The following FARS2 variants were observed in gnomAD, a reference collection of about 807,000 sequenced individuals.
FARS2 encodes phenylalanyl-tRNA synthetase 2, mitochondrial.
FARS2 carries 40 observed loss-of-function variants against 46.4 expected under a neutral mutation model. The observed-to-expected ratio is 0.86, with a 90% CI of 0.67 to 1.12. The LOEUF is 1.12. Among genes scored for constraint, FARS2 ranks in the 50% most tolerant of loss-of-function variants. The pLI is 0.00. For missense variants in FARS2, 513 were observed against 567.9 expected (o/e 0.90, Z 0.98); for synonymous variants, 234 against 214.9 (o/e 1.09, Z -0.78).
chr6:5,610,006 G>T (rs184933666), intron 5 of FARS2: 16 of 1,035,828 alleles, frequency 1.5e-5, no homozygotes, highest in East Asian at 2.4e-5. Flanking sequence ...CACCTCCTCC[G>T]CAGTGGCATA....
At chr6:5,309,321 G>A (rs1768933022) in intron 1 of FARS2, among the ~76,000 whole-genome samples, 1 of 152,086 alleles carries the variant, frequency 6.6e-6, no homozygotes, top group African/African-American at 2.4e-5. Context: ...GCAGGGATGG[G>A]GTACTCTTTA....
At chr6:5,359,310 G>A (rs557564884) in intron 1 of FARS2, among the ~76,000 whole-genome samples, 1 of 152,028 alleles carries the variant, frequency 6.6e-6, no homozygotes, top group South Asian at 2.1e-4. Flanking sequence ...CAAAGTGCTG[G>A]CATTACAGGC....
At chr6:5,623,645 G>A (rs1775884337) in intron 6 of FARS2, among the ~76,000 whole-genome samples, 1 of 152,126 alleles carries the variant, frequency 6.6e-6, no homozygotes, top group Non-Finnish European at 1.5e-5. Flanking sequence ...CCAGGAGGCG[G>A]AGGTCGCAGT....
chr6:5,604,634 G>T (rs1774725751), intron 5 of FARS2, among the ~76,000 whole-genome samples: 1 of 152,112 alleles, frequency 6.6e-6, no homozygotes. Flanking sequence ...TAAACATGCT[G>T]CATTGAAAGT....
At chr6:5,762,235 CTT>C (rs886389398) in intron 6 of FARS2, among the ~76,000 whole-genome samples, 14 of 152,216 alleles carry the variant, frequency 9.2e-5, no homozygotes, top group African/African-American at 2.7e-4. Context: ...ACACTTAACA[CTT>C]TACCTATACA....
intron 5 of FARS2, among the ~76,000 whole-genome samples, chr6:5,578,682 G>A (rs1300046417): frequency 5.9e-5 from 9 of 151,734 alleles, no homozygotes; most frequent in East Asian, 5.8e-4. Context: ...GGTGGTGGGC[G>A]CCTATAGTCC....
At chr6:5,379,854 C>T (rs184273874) in intron 2 of FARS2, among the ~76,000 whole-genome samples, 114 of 152,264 alleles carry the variant, frequency 7.5e-4, no homozygotes, top group Middle Eastern at 3.4e-3. Flanking sequence ...CCTCTACTGA[C>T]AAAGTTTAGC....
chr6:5,288,588 A>T (rs1767288637), intron 1 of FARS2, among the ~76,000 whole-genome samples: 1 of 152,160 alleles, frequency 6.6e-6, no homozygotes, highest in East Asian at 1.9e-4. Flanking sequence ...GGTTTTGAAT[A>T]TATGTGGTTG....
rs1011454055 is a variant in FARS2 at position 5,686,552 on chromosome 6, A to G, written c.1217+73232A>G. On this transcript the variant is annotated intron_variant, in intron 6 of 6. Transcript: ENST00000274680. ...TGAACTCGTCCTTTTTTATGGCTGC[A>G]TAGTATTCCATGGTATATATGTGCC... Among the ~76,000 whole-genome samples, 6 of 152,324 alleles carry G rather than the reference A, an allele frequency of 3.9e-5. 1 individual carries two copies. The highest frequency in any genetic ancestry group is 1.2e-4 in the African/African-American group (5 of 41,570).
chr6:5,689,803 A>G (rs1757552877), intron 6 of FARS2, among the ~76,000 whole-genome samples: 1 of 152,154 alleles, frequency 6.6e-6, no homozygotes, highest in South Asian at 2.1e-4. Flanking sequence ...GTGGGGTGTT[A>G]AAGTCTCCCA....
intron 1 of FARS2, among the ~76,000 whole-genome samples, chr6:5,353,334 G>A (rs972052263): frequency 9.2e-5 from 14 of 151,908 alleles, no homozygotes; most frequent in African/African-American, 3.4e-4. Flanking sequence ...CCATTTTTTG[G>A]CTATTGTGAA....
intron 4 of FARS2, among the ~76,000 whole-genome samples, chr6:5,432,294 G>A (rs1299854710): frequency 5.4e-5 from 7 of 128,896 alleles, no homozygotes; most frequent in Admixed American, 3.5e-4. Context: ...CAGCCTGGGC[G>A]AAAGAGCAAC....
chr6:5,461,016 T>C (rs1039109742), intron 4 of FARS2, among the ~76,000 whole-genome samples: 1 of 151,892 alleles, frequency 6.6e-6, no homozygotes, highest in Admixed American at 6.6e-5. Context: ...ATGGGCTTGT[T>C]TTGATGGACT....
At chr6:5,538,666 T>C (rs542758841) in intron 4 of FARS2, among the ~76,000 whole-genome samples, 1 of 152,188 alleles carries the variant, frequency 6.6e-6, no homozygotes, top group East Asian at 1.9e-4. Context: ...TATGATAGAG[T>C]GGTCACGTCC....
At chr6:5,649,393 C>A (rs1053375150) in intron 6 of FARS2, among the ~76,000 whole-genome samples, 3 of 152,160 alleles carry the variant, frequency 2.0e-5, no homozygotes, top group East Asian at 3.9e-4. Context: ...TTTCTGTCCC[C>A]AGTACACATT....
At chr6:5,763,323 A>G (rs981078736) in intron 6 of FARS2, among the ~76,000 whole-genome samples, 8 of 152,120 alleles carry the variant, frequency 5.3e-5, no homozygotes, top group Admixed American at 5.2e-4. Context: ...GTGGTGGTGC[A>G]TGCCTGTGGT....
rs187961217 is a variant in FARS2, at chr6:5,671,084, T to C, written c.1217+57764T>C. On this transcript the variant is annotated intron_variant, in intron 6 of 6. Coordinates refer to ENST00000274680, the MANE Select transcript of FARS2 (RefSeq NM_006567.5). ...TCTGCCTTAGTTGGGGGACTTATGG[T>C]AGCATAAGCTAAAATTATTTCATCT... Among the ~76,000 whole-genome samples the C allele has an allele frequency of 7.9e-3, 1,206 of 152,368 alleles. 7 individuals are homozygous for C. Among genetic ancestry groups the C allele is most frequent in the Non-Finnish European group, 0.013 (905 of 68,034 alleles).
At chr6:5,766,940 G>C (rs1762781369) in intron 6 of FARS2, among the ~76,000 whole-genome samples, 1 of 150,842 alleles carries the variant, frequency 6.6e-6, no homozygotes, top group Non-Finnish European at 1.5e-5. Context: ...CTTCACTTCT[G>C]TTCTTGAGGT....
At chr6:5,513,416 A>AG (rs1491367055) in intron 4 of FARS2, among the ~76,000 whole-genome samples, 3 of 152,220 alleles carry the variant, frequency 2.0e-5, no homozygotes, top group Non-Finnish European at 4.4e-5. Context: ...AAGTACTGAC[A>AG]GGGGAAGTTA....
Sources: gnomAD v4.1 joint callset for allele counts (sites outside exome capture counted in the v4.1 genomes callset) on GRCh38, gnomAD v4.1.1 for gene constraint, MANE v1.5 for transcripts, NCBI Gene and HGNC (gene_info 2026-07-23, HGNC 2026-07-21) for gene names.